ADCY4: variants seen among roughly 807,000 people sequenced by gnomAD.
ADCY4 encodes the protein adenylate cyclase type 4.
A neutral mutation model predicts 125.5 loss-of-function variants in ADCY4; 111 were observed. That is an observed-to-expected ratio of 0.88 (90% CI 0.76 to 1.04). The LOEUF is 1.04. Ranked by LOEUF, ADCY4 falls within the 50% of genes least tolerant of loss-of-function variation. ADCY4 has a pLI of 0.00. For synonymous variants in ADCY4, 576 were observed against 586.9 expected, an observed-to-expected ratio of 0.98 and a Z score of 0.27; for missense variants, 1,256 against 1,382.9, an observed-to-expected ratio of 0.91 and a Z score of 1.46.
rs763707839 is a variant in ADCY4, at chr14:24,332,915, A to C, written c.233T>G (p.Leu78Arg). The C allele has an allele frequency of 2.6e-5, 41 of 1,603,538 alleles. No homozygotes were observed. In the South Asian group the frequency reaches 4.4e-4, roughly 17 times the overall value. The change falls in exon 2 of 25, where the codon CTC becomes CGC. Residue 78 changes from leucine (L) to arginine (R), a missense_variant. Physicochemically the swap from Leu to Arg is moderately radical, Grantham distance 102. Transcript: ENST00000418030. ...CTGCAGTCGCTGCTCCCGGGAAGCG[A>C]GGCCCAGCAGCAGCGAGAAGCCGCC... ...ALGGFSLLLGLASREQRLQRW... is the reference protein window; with the variant it reads ...ALGGFSLLLGRASREQRLQRW...
Position 24,322,999 on chromosome 14 carries a change from C to T in ADCY4, c.2247G>A (p.Leu749=). ...SFELKLLLLL[L]WLAASCSLFL... Reference sequence around the variant, plus strand: ...AGAGGGAGCAGGATGCCGCCAGCCACAGCAGGAGCAGCAGCAGCTTCAGCT... The same window carrying T: ...AGAGGGAGCAGGATGCCGCCAGCCATAGCAGGAGCAGCAGCAGCTTCAGCT... The change falls in exon 18 of 25, where the codon CTG becomes CTA. Residue 749 remains leucine, a synonymous_variant. Transcript: ENST00000418030. 1.2e-6 allele frequency: 2 copies of T among 1,614,152 alleles called. No individual in the cohort carries two copies. Among genetic ancestry groups the T allele is most frequent in the Non-Finnish European group, 1.7e-6 (2 of 1,180,018 alleles).
chr14:24,325,872 C>T lies in ADCY4; in HGVS notation c.1671G>A (p.Ser557=), dbSNP rs773205544. The change falls in exon 13 of 25, where the codon TCG becomes TCA. Residue 557 remains serine, a synonymous_variant. Transcript: ENST00000418030. ...ACAGTGTCAGTGGGTTGAAGTCCTT[C>T]GACTGCTTCCACTGTCTGGTGGGAG... ...QLNSQKQWKQ[S]KDFNPLTLYF... 2.4e-5 allele frequency: 38 copies of T among 1,593,576 alleles called. No homozygotes were observed. Among genetic ancestry groups the T allele is most frequent in the South Asian group, 1.1e-4 (10 of 88,398 alleles).
Position 24,330,231 on chromosome 14 carries a change from A to G in ADCY4, c.995T>C (p.Leu332Pro). The change falls in exon 7 of 25, where the codon CTC (leucine) becomes CCC (proline). Residue 332 changes from leucine to proline, a missense_variant. Leu to Pro is a moderately conservative substitution (Grantham distance 98). Coordinates refer to ENST00000418030, the MANE Select transcript of ADCY4 (RefSeq NM_001198568.2). ...DCYYCVSGLP[L>P]SLPDHAINCV... ...GTTGATGGCATGGTCTGGCAGTGAG[A>G]GTGGCAGCCCAGAGACACAGTAGTA... 2 of 1,614,174 alleles carry G rather than the reference A, an allele frequency of 1.2e-6. No individual in the cohort carries two copies. Among genetic ancestry groups the G allele is most frequent in the Non-Finnish European group, 1.7e-6 (2 of 1,180,028 alleles).
At chr14:24,323,139 G>T (rs1436710052) in intron 17 of ADCY4, 51 bp from the exon 18 acceptor site, 2 of 1,587,502 alleles carry the variant, frequency 1.3e-6, no homozygotes, top group Non-Finnish European at 1.7e-6. Flanking sequence ...AGGCAGAGGG[G>T]GGACACCTGA....
intron 10 of ADCY4, among the ~76,000 whole-genome samples, chr14:24,326,876 G>T (rs992484804): frequency 6.8e-6 from 1 of 146,996 alleles, no homozygotes; most frequent in Non-Finnish European, 1.5e-5. Flanking sequence ...TTATAGGCAT[G>T]AGCCACCGTA....
At chr14:24,331,434 C>A (rs1357600473) in intron 4 of ADCY4, 78 bp from the exon 5 acceptor site, 4 of 1,575,432 alleles carry the variant, frequency 2.5e-6, no homozygotes, top group African/African-American at 2.7e-5. Flanking sequence ...CACTCAGGAG[C>A]CCACACTGCC....
Position 24,334,731 on chromosome 14 carries a change from G to A in ADCY4, c.-79C>T. 1 of 1,244,916 alleles carries A rather than the reference G, an allele frequency of 8.0e-7. No individual in the cohort carries two copies. The allele number at this position is 1,244,916 out of a possible 1,614,324, so 77.1% of individuals were successfully genotyped here. On this transcript the variant is annotated 5_prime_UTR_variant, in exon 1 of 25. Transcript: ENST00000418030. ...TCCTTCGGCCCGGCGGGCCCCACCT[G>A]AGCTTTTCTCACCCGCTCAAAGCCG...
chr14:24,332,971 C>T lies in ADCY4; in HGVS notation c.177G>A (p.Pro59=). 6.4e-6 allele frequency: 10 copies of T among 1,551,036 alleles called. No individual in the cohort carries two copies. Among genetic ancestry groups the T allele is most frequent in the East Asian group, 2.3e-5 (1 of 43,934 alleles). ...WASGRELTSD[P]SFLTTVLCAL... is the part of the protein sequence containing the mutation. Reference sequence around the variant, plus strand: ...CGCACAGCACAGTGGTCAGGAAGCTCGGGTCTGAGGTCAGCTCCTGTGGGC... The same window carrying T: ...CGCACAGCACAGTGGTCAGGAAGCTTGGGTCTGAGGTCAGCTCCTGTGGGC... Residue 59 remains proline, a synonymous_variant, in exon 2 of 25, where the codon CCG becomes CCA. Transcript: ENST00000418030.
At position 24,330,280 on chromosome 14, in the gene ADCY4, G is replaced by T. The variant is rs1371931557; in HGVS notation, c.946C>A (p.Arg316=). The T allele has an allele frequency of 6.8e-6, 11 of 1,614,070 alleles. No individual in the cohort carries two copies. Among genetic ancestry groups the T allele is most frequent in the African/African-American group, 1.3e-5 (1 of 74,926 alleles). ...TAACAGTCCCCCAGGATCTTGATCC[G>T]CATGCATTCATGCTCCTGGGAGTGT... ...DQIAKEHECM[R]IKILGDCYYC... Residue 316 remains arginine (R), a synonymous_variant, in exon 7 of 25, where the codon CGG becomes AGG. Transcript: ENST00000418030.
chr14:24,324,105 G>A lies in ADCY4; in HGVS notation c.2003C>T (p.Thr668Ile). 1 of 1,614,208 alleles carries A rather than the reference G, an allele frequency of 6.2e-7. No homozygotes were observed. The highest frequency in any genetic ancestry group is 2.2e-5 in the East Asian group (1 of 44,882). Residue 668 changes from threonine (T) to isoleucine (I), a missense_variant, in exon 16 of 25, where the codon ACC becomes ATC. Physicochemically the swap from Thr to Ile is moderately conservative, Grantham distance 89 (BLOSUM62 -1). Coordinates refer to ENST00000418030, the MANE Select transcript of ADCY4 (RefSeq NM_001198568.2). ...GGCAAAGACAAGGAGGATGGTGGCG[G>A]TGCCCAAGGCTATTCTCAGTCCTGG... ...TRPGLRIALG[T>I]ATILLVFAMA... is the part of the protein sequence containing the mutation.
intron 6 of ADCY4, chr14:24,330,556 A>C (rs2042025581): frequency 6.7e-6 from 3 of 447,332 alleles, no homozygotes; most frequent in Middle Eastern, 6.4e-4. Context: ...GGGTACCCAG[A>C]GTTGAGTACG....
At chr14:24,321,632 G>A (rs1268548400) in intron 20 of ADCY4, 1 of 207,592 alleles carries the variant, frequency 4.8e-6, no homozygotes, top group East Asian at 1.8e-4. Context: ...TTCACAATAA[G>A]GTTCAAGTTC....
chr14:24,323,392 G>A lies in ADCY4; in HGVS notation c.2109C>T (p.Ser703=). 1 of 1,557,698 alleles carries A rather than the reference G, an allele frequency of 6.4e-7. No homozygotes were observed. Among genetic ancestry groups the A allele is most frequent in the Non-Finnish European group, 8.7e-7 (1 of 1,149,714 alleles). ...FQAPNVSSMI[S]NLSWELPGSL... ...ACCCAGGGAGCTCCCAGGAGAGGTT[G>A]GAAATCATGGAGGACACATTGGGAG... The change falls in exon 17 of 25, where the codon TCC becomes TCT. Residue 703 remains serine (S), a synonymous_variant. Transcript: ENST00000418030.
intron 1 of ADCY4, among the ~76,000 whole-genome samples, 178 bp from the exon 2 acceptor site, chr14:24,333,166 G>A (rs537693600): frequency 5.4e-5 from 8 of 147,604 alleles, no homozygotes; most frequent in Non-Finnish European, 9.1e-5. Context: ...ATTTGAAATT[G>A]CTTGTGTCCT....
At chr14:24,323,634 T>C (rs2041891912) in intron 16 of ADCY4, 180 bp from the exon 17 acceptor site, 12 of 1,423,862 alleles carry the variant, frequency 8.4e-6, no homozygotes, top group African/African-American at 1.4e-5. Context: ...GGAGGAGTTA[T>C]GTGAGGGGCG....
In ADCY4 at chr14:24,328,173, C is replaced by T. The variant is rs542851610; in HGVS notation, c.1524+888G>A. Among the ~76,000 whole-genome samples the T allele has an allele frequency of 1.9e-4, 27 of 138,746 alleles. No homozygotes were observed. In the South Asian group the frequency reaches 3.1e-3, roughly 16 times the overall value. 91.0% of individuals were successfully genotyped at this position (138,746 alleles called of 152,430 possible). ...CGTCACCAAGCGGATCATGGTCCAGCGGTAGCAAAAGGTGTCAAGAAACAA... is the reference window on the plus strand; with the variant it reads ...CGTCACCAAGCGGATCATGGTCCAGTGGTAGCAAAAGGTGTCAAGAAACAA... On this transcript the variant is annotated intron_variant, in intron 10 of 24. Coordinates refer to ENST00000418030, the MANE Select transcript of ADCY4 (RefSeq NM_001198568.2).
Position 24,323,094 on chromosome 14 carries a change from G to A in ADCY4, c.2158-6C>T. 1.2e-6 allele frequency: 2 copies of A among 1,613,734 alleles called. No homozygotes were observed. The highest frequency in any genetic ancestry group is 1.7e-6 in the Non-Finnish European group (2 of 1,179,800). On this transcript the variant is annotated splice_region_variant and splice_polypyrimidine_tract_variant and intron_variant, in intron 17 of 24. Coordinates refer to ENST00000418030, the MANE Select transcript of ADCY4 (RefSeq NM_001198568.2). ...GTGCAGCAGTGCATGGAGTACTGTGGGGCCAGGCAGGGGTCAGGAGTGGGC... is the reference window on the plus strand; with the variant it reads ...GTGCAGCAGTGCATGGAGTACTGTGAGGCCAGGCAGGGGTCAGGAGTGGGC...
At chr14:24,331,766 G>C in intron 4 of ADCY4, 22 bp downstream of exon 4, 1 of 1,551,578 alleles carries the variant, frequency 6.4e-7, no homozygotes, top group South Asian at 1.1e-5. Context: ...GCGCTGCTCT[G>C]ACCTTCCTAG....
intron 4 of ADCY4, 177 bp downstream of exon 4, chr14:24,331,610 CT>C: frequency 9.3e-7 from 1 of 1,073,236 alleles, no homozygotes; most frequent in Non-Finnish European, 1.3e-6. Flanking sequence ...TTTTTATAAG[CT>C]TTGGTTTGTT....
Sources: gnomAD v4.1 joint callset for allele counts (sites outside exome capture counted in the v4.1 genomes callset) on GRCh38, gnomAD v4.1.1 for gene constraint, MANE v1.5 for transcripts, NCBI Gene and HGNC (gene_info 2026-07-23, HGNC 2026-07-21) for gene names.